Variants in TRPM3 observed in about 807,000 individuals in gnomAD.
TRPM3 encodes transient receptor potential cation channel subfamily M member 3.
Under a neutral mutation model 181.2 loss-of-function variants are expected in TRPM3, and 77 were observed. That is an observed-to-expected ratio of 0.42 (90% CI 0.35 to 0.51). The LOEUF (loss-of-function observed/expected upper bound fraction) is 0.51, where lower values mean the gene tolerates loss of function less well. Ranked by LOEUF, TRPM3 falls within the 20% of genes least tolerant of loss-of-function variation. The pLI is 0.01. For missense variants in TRPM3, 1,759 were observed against 2,196.7 expected (o/e 0.80, Z 3.98); for synonymous variants, 745 against 796.4 (o/e 0.94, Z 1.09).
chr9:70,964,975 T>C (rs913351838), intron 1 of TRPM3, among the ~76,000 whole-genome samples: 1 of 152,106 alleles, frequency 6.6e-6, no homozygotes, highest in Non-Finnish European at 1.5e-5. Flanking sequence ...TAAGCCAGTA[T>C]CTGAACAGAA....
chr9:71,047,911 C>T (rs1383001238), intron 1 of TRPM3, among the ~76,000 whole-genome samples: 1 of 151,916 alleles, frequency 6.6e-6, no homozygotes, highest in Admixed American at 6.6e-5. Context: ...GTCTTTGATT[C>T]TCTCATTTAC....
intron 21 of TRPM3, among the ~76,000 whole-genome samples, chr9:70,597,272 G>C (rs190769781): frequency 7.1e-4 from 108 of 151,950 alleles, no homozygotes; most frequent in Non-Finnish European, 1.4e-3. Flanking sequence ...GTGTCTCACT[G>C]TGCTGCCCAA....
intron 1 of TRPM3, among the ~76,000 whole-genome samples, chr9:71,437,588 C>G: frequency 6.6e-6 from 1 of 151,850 alleles, no homozygotes; most frequent in Admixed American, 6.6e-5. Context: ...CCTAAAACAC[C>G]AGCCGGGCGT....
chr9:71,068,686 C>T (rs1451929725), intron 1 of TRPM3, among the ~76,000 whole-genome samples: 1 of 152,162 alleles, frequency 6.6e-6, no homozygotes, highest in Non-Finnish European at 1.5e-5. Flanking sequence ...CCTGGGATAA[C>T]AGTGTTCTGG....
At chr9:71,199,380 A>G (rs917648799) in intron 1 of TRPM3, among the ~76,000 whole-genome samples, 6 of 152,158 alleles carry the variant, frequency 3.9e-5, no homozygotes, top group Non-Finnish European at 5.9e-5. Flanking sequence ...GAATGATGCT[A>G]GCCTCATAAA....
At chr9:70,746,510 C>T (rs2075194033) in intron 8 of TRPM3, among the ~76,000 whole-genome samples, 1 of 152,100 alleles carries the variant, frequency 6.6e-6, no homozygotes, top group African/African-American at 2.4e-5. Context: ...GACAATAGCC[C>T]TCTGCTGTCT....
At chr9:71,160,201 T>C (rs1018906621) in intron 1 of TRPM3, among the ~76,000 whole-genome samples, 1 of 152,150 alleles carries the variant, frequency 6.6e-6, no homozygotes. Context: ...TGTCATCCCT[T>C]TCAAATCTTT....
chr9:71,250,730 G>A (rs576741029), intron 1 of TRPM3, among the ~76,000 whole-genome samples: 1 of 152,262 alleles, frequency 6.6e-6, no homozygotes, highest in African/African-American at 2.4e-5. Flanking sequence ...AGAAGGGCAG[G>A]GGGCAGGAGC....
chr9:70,749,012 T>C (rs1252946146), intron 8 of TRPM3, among the ~76,000 whole-genome samples: 5 of 151,752 alleles, frequency 3.3e-5, no homozygotes, highest in Non-Finnish European at 7.4e-5. Flanking sequence ...TCCGGTTGCA[T>C]GCCAACACAA....
intron 1 of TRPM3, among the ~76,000 whole-genome samples, chr9:71,224,575 T>C (rs185623733): frequency 1.3e-5 from 2 of 152,234 alleles, no homozygotes; most frequent in African/African-American, 4.8e-5. Context: ...CAAGGGCCCA[T>C]CCTGGAGAGA....
chr9:71,313,746 C>T (rs2088246436), intron 1 of TRPM3, among the ~76,000 whole-genome samples: 1 of 152,052 alleles, frequency 6.6e-6, no homozygotes, highest in South Asian at 2.1e-4. Context: ...TCCCATCTGA[C>T]CTGAAGGATA....
At position 71,298,508 on chromosome 9, in the gene TRPM3, A is replaced by G. The variant is rs542236514; in HGVS notation, c.183+148145T>C. On this transcript the variant is annotated intron_variant, in intron 1 of 24. Coordinates refer to the TRPM3 transcript ENST00000357533. ...TACATATATGAAGATATAAAAATTT[A>G]TGGTTTTATACATTTGTTCAGCAGC... Among the ~76,000 whole-genome samples, 360 of 151,872 alleles carry G rather than the reference A, an allele frequency of 2.4e-3. 3 individuals are homozygous for G. The highest frequency in any genetic ancestry group is 0.017 in the Middle Eastern group (5 of 294).
chr9:70,614,313 C>G (rs902547163), intron 18 of TRPM3, among the ~76,000 whole-genome samples: 1 of 53,756 alleles, frequency 1.9e-5, no homozygotes, highest in Non-Finnish European at 4.2e-5. Context: ...TGGGCAATCT[C>G]TTAAAAAAAA....
At chr9:70,847,172 T>C (rs1318093306) in intron 3 of TRPM3, among the ~76,000 whole-genome samples, 3 of 152,298 alleles carry the variant, frequency 2.0e-5, no homozygotes, top group African/African-American at 7.2e-5. Flanking sequence ...TCTTGAAGAA[T>C]AGTTGAAAAT....
chr9:70,999,813 A>G (rs528656363), intron 1 of TRPM3, among the ~76,000 whole-genome samples: 2 of 152,122 alleles, frequency 1.3e-5, no homozygotes, highest in South Asian at 2.1e-4. Context: ...CAGGCCATCT[A>G]AAATATCCAC....
intron 1 of TRPM3, among the ~76,000 whole-genome samples, chr9:71,089,196 A>T (rs944948013): frequency 6.8e-6 from 1 of 148,080 alleles, no homozygotes; most frequent in African/African-American, 2.5e-5. Context: ...ACGTGAATAT[A>T]TATTTTATAT....
chr9:70,553,203 C>T lies in TRPM3; in HGVS notation c.3331G>A (p.Val1111Met). The stretch of plus-strand genomic sequence containing the variant: ...AGGTTGACCAGCAAGATGTTTGCCA[C>T]TAAGAGGTAGCAGGCCATGATGGCC... The part of the protein sequence containing the change: ...VPAIMACYLL[V>M]ANILLVNLLI... The change falls in exon 23 of 26, where the codon GTG becomes ATG. Residue 1111 changes from valine (V) to methionine (M), a missense_variant. Val to Met is a conservative substitution (Grantham distance 21). Transcript: ENST00000677713. The T allele has an allele frequency of 6.2e-7, 1 of 1,614,092 alleles. No individual in the cohort carries two copies. Among genetic ancestry groups the T allele is most frequent in the East Asian group, 2.2e-5 (1 of 44,852 alleles).
At chr9:70,940,117 C>T (rs1482465551) in intron 1 of TRPM3, among the ~76,000 whole-genome samples, 2 of 152,104 alleles carry the variant, frequency 1.3e-5, no homozygotes, top group African/African-American at 4.8e-5. Context: ...TAAACCATTT[C>T]CTGAGGAACA....
At chr9:71,352,815 C>T (rs1477692477) in intron 1 of TRPM3, among the ~76,000 whole-genome samples, 1 of 152,120 alleles carries the variant, frequency 6.6e-6, no homozygotes, top group African/African-American at 2.4e-5. Flanking sequence ...CAAAGTCTAC[C>T]AGAGTGGGAA....
Sources: allele counts gnomAD v4.1 joint callset (sites outside exome capture counted in the v4.1 genomes callset), GRCh38; gene constraint gnomAD v4.1.1; transcripts MANE v1.5; gene names NCBI Gene and HGNC (gene_info 2026-07-23, HGNC 2026-07-21).